KRAS: variants seen among roughly 807,000 people sequenced by gnomAD.
The protein encoded by KRAS is KRas proto-oncogene, GTPase.
A neutral mutation model predicts 21.0 loss-of-function variants in KRAS; 1 was observed. The ratio of observed to expected loss-of-function variants is 0.05; its 90% CI spans 0.02 to 0.23. KRAS has a LOEUF of 0.23. KRAS is among the 10% of genes least tolerant of loss of function. KRAS has a pLI of 1.00. For synonymous variants in KRAS, 67 were observed against 72.5 expected, an observed-to-expected ratio of 0.92 and a Z score of 0.39; for missense variants, 107 against 221.8, an observed-to-expected ratio of 0.48 and a Z score of 3.29.
At chr12:25,233,504 T>G (rs934149588) in intron 2 of KRAS, among the ~76,000 whole-genome samples, 2 of 148,360 alleles carry the variant, frequency 1.3e-5, no homozygotes, top group African/African-American at 4.9e-5. Context: ...AATGAATGAA[T>G]GAATGAACGA....
chr12:25,243,354 G>A (rs1951635589), intron 2 of KRAS, among the ~76,000 whole-genome samples: 1 of 152,196 alleles, frequency 6.6e-6, no homozygotes, highest in Non-Finnish European at 1.5e-5. Context: ...GGGACCGTCA[G>A]TTTCAAAGTT....
At chr12:25,210,174 G>A (rs1256279283) in intron 4 of KRAS, among the ~76,000 whole-genome samples, 3 of 152,116 alleles carry the variant, frequency 2.0e-5, no homozygotes, top group East Asian at 1.9e-4. Context: ...ATAAGGTAAC[G>A]ACTTTTTCAC....
At position 25,247,060 on chromosome 12, in the gene KRAS, A is replaced by AT. The variant is rs547687151; in HGVS notation, c.-11-1666dup. Among the ~76,000 whole-genome samples the AT allele has an allele frequency of 3.9e-5, 6 of 152,288 alleles. No homozygotes were observed. In the South Asian group the frequency reaches 1.2e-3, roughly 32 times the overall value. On this transcript the variant is annotated intron_variant, in intron 1 of 4. Coordinates refer to ENST00000311936, the MANE Select transcript of KRAS (RefSeq NM_004985.5). The stretch of plus-strand genomic sequence containing the variant: ...AAACACCATACAGAAAATAAAACAT[A>AT]TTTTTTAGTTAGTTGTTTCAAATTT...
intron 1 of KRAS, among the ~76,000 whole-genome samples, chr12:25,247,779 C>G (rs1233841941): frequency 1.3e-5 from 2 of 152,162 alleles, no homozygotes; most frequent in Non-Finnish European, 2.9e-5. Context: ...AATGCAGATG[C>G]AGATATAAGA....
chr12:25,237,134 G>GCCAGACA (rs1951553912), intron 2 of KRAS, among the ~76,000 whole-genome samples: 1 of 152,184 alleles, frequency 6.6e-6, no homozygotes, highest in Non-Finnish European at 1.5e-5. Context: ...TGTGGAGGAT[G>GCCAGACA]CCAGACACAA....
At chr12:25,224,082 G>A (rs1459231221) in intron 4 of KRAS, among the ~76,000 whole-genome samples, 2 of 148,534 alleles carry the variant, frequency 1.3e-5, no homozygotes, top group Admixed American at 6.8e-5. Flanking sequence ...CATTGCTCAC[G>A]TGTTTGTGGT....
At chr12:25,245,041 T>A (rs192684710) in intron 2 of KRAS, among the ~76,000 whole-genome samples, 2 of 152,248 alleles carry the variant, frequency 1.3e-5, no homozygotes, top group Non-Finnish European at 2.9e-5. Context: ...GAAATACACT[T>A]CCAATCAAAA....
chr12:25,221,603 A>C (rs905348615), intron 4 of KRAS, among the ~76,000 whole-genome samples: 3 of 152,192 alleles, frequency 2.0e-5, no homozygotes, highest in Non-Finnish European at 4.4e-5. Context: ...TAATTAAAAA[A>C]AAATGCAACA....
At chr12:25,222,127 C>T (rs61762419) in intron 4 of KRAS, among the ~76,000 whole-genome samples, 2,925 of 142,008 alleles carry the variant, frequency 0.021, 79 homozygotes, top group African/African-American at 0.074. Flanking sequence ...CCAGCCTGGG[C>T]GACAAAGCAA....
intron 1 of KRAS, among the ~76,000 whole-genome samples, 190 bp downstream of exon 1, chr12:25,250,561 C>T: frequency 6.6e-6 from 1 of 152,118 alleles, no homozygotes; most frequent in East Asian, 1.9e-4. Flanking sequence ...CCTCACTCCC[C>T]GCGCCGCCGC....
intron 2 of KRAS, among the ~76,000 whole-genome samples, chr12:25,243,878 T>G (rs533290050): frequency 1.1e-4 from 16 of 152,230 alleles, no homozygotes; most frequent in Non-Finnish European, 2.1e-4. Context: ...ATACAGAGAC[T>G]ATTGCATAGG....
At chr12:25,242,466 T>C (rs913431036) in intron 2 of KRAS, among the ~76,000 whole-genome samples, 1 of 152,206 alleles carries the variant, frequency 6.6e-6, no homozygotes, top group Admixed American at 6.5e-5. Flanking sequence ...CCAAGTATTG[T>C]GTTTGGGGGC....
At chr12:25,211,788 C>T (rs1335755830) in intron 4 of KRAS, among the ~76,000 whole-genome samples, 1 of 152,070 alleles carries the variant, frequency 6.6e-6, no homozygotes, top group Non-Finnish European at 1.5e-5. Flanking sequence ...CCACATTAAG[C>T]AAACAGTAGG....
intron 4 of KRAS, among the ~76,000 whole-genome samples, chr12:25,222,641 ATTTG>A (rs1471427973): frequency 3.3e-5 from 5 of 152,134 alleles, no homozygotes; most frequent in African/African-American, 9.7e-5. Context: ...TACAAATCAA[ATTTG>A]TTTATCTACT....
intron 2 of KRAS, among the ~76,000 whole-genome samples, chr12:25,228,543 T>C (rs1592809372): frequency 6.6e-6 from 1 of 152,120 alleles, no homozygotes; most frequent in East Asian, 1.9e-4. Flanking sequence ...TCCACTTATA[T>C]GAGGAACCTA....
intron 2 of KRAS, among the ~76,000 whole-genome samples, chr12:25,239,751 G>A (rs1024232236): frequency 2.0e-5 from 3 of 152,080 alleles, no homozygotes; most frequent in East Asian, 1.9e-4. Flanking sequence ...TCAGGAGTTC[G>A]AGACTAGCCT....
At chr12:25,211,536 C>A (rs544174444) in intron 4 of KRAS, among the ~76,000 whole-genome samples, 5 of 152,198 alleles carry the variant, frequency 3.3e-5, no homozygotes, top group South Asian at 4.2e-4. Flanking sequence ...CGAGATAGCA[C>A]CACTGCACTC....
chr12:25,245,450 T>G, intron 1 of KRAS, 55 bp from the exon 2 acceptor site: 1 of 1,500,418 alleles, frequency 6.7e-7, no homozygotes, highest in Non-Finnish European at 9.1e-7. Context: ...ACACATAAGG[T>G]TAATACACTA....
In KRAS at chr12:25,206,060, A is replaced by C. The variant is rs948686888; in HGVS notation, c.*3735T>G. 4 of 209,930 alleles carry C rather than the reference A, an allele frequency of 1.9e-5. No homozygotes were observed. The highest frequency in any genetic ancestry group is 9.0e-5 in the African/African-American group (4 of 44,212). The allele number at this position is 209,930 out of a possible 1,614,324, so 13.0% of individuals were successfully genotyped here. ...TTCAGATAGTTTTTGCTGTCTAAAA[A>C]AAAATCCCCTAAAAAAAGTTATATA... On this transcript the variant is annotated 3_prime_UTR_variant, in exon 5 of 5. Coordinates refer to ENST00000311936, the MANE Select transcript of KRAS (RefSeq NM_004985.5).
Sources: allele counts gnomAD v4.1 joint callset (sites outside exome capture counted in the v4.1 genomes callset), GRCh38; gene constraint gnomAD v4.1.1; transcripts MANE v1.5; gene names NCBI Gene and HGNC (gene_info 2026-07-23, HGNC 2026-07-21).